Variants in SUMF1 observed in about 807,000 individuals in gnomAD.
SUMF1 encodes the protein formylglycine-generating enzyme.
Under a neutral mutation model 47.6 loss-of-function variants are expected in SUMF1, and 48 were observed. That is an observed-to-expected ratio of 1.01 (90% CI 0.80 to 1.28). SUMF1 has a LOEUF of 1.28. SUMF1 is among the 50% of genes most tolerant of loss of function. The probability of loss-of-function intolerance (pLI) is 0.00; values close to 1 mark genes in which losing one functional copy is unlikely to be tolerated. For synonymous variants in SUMF1, 230 were observed against 192.1 expected (o/e 1.20, Z -1.63); for missense variants, 571 against 485.4 (o/e 1.18, Z -1.66).
intron 8 of SUMF1, among the ~76,000 whole-genome samples, chr3:4,120,332 A>G (rs986810093): frequency 2.6e-5 from 4 of 152,188 alleles, no homozygotes; most frequent in African/African-American, 7.2e-5. Context: ...AACACCTTTC[A>G]AAATCTGGTT....
chr3:4,392,340 T>A (rs1314792901), intron 7 of SUMF1, among the ~76,000 whole-genome samples: 1 of 152,112 alleles, frequency 6.6e-6, no homozygotes, highest in Non-Finnish European at 1.5e-5. Context: ...TATTCAAATA[T>A]ACTTTAGTTC....
At chr3:4,331,566 G>A (rs943599669) in intron 8 of SUMF1, among the ~76,000 whole-genome samples, 7 of 152,204 alleles carry the variant, frequency 4.6e-5, no homozygotes, top group Non-Finnish European at 8.8e-5. Flanking sequence ...AGTGGCTCAC[G>A]CCTGTAATCC....
At chr3:4,091,302 T>A (rs536742737) in intron 8 of SUMF1, among the ~76,000 whole-genome samples, 1 of 152,224 alleles carries the variant, frequency 6.6e-6, no homozygotes, top group East Asian at 1.9e-4. Context: ...GACAGCACAC[T>A]CCTTCACCTC....
chr3:4,313,663 G>T (rs141194209), intron 8 of SUMF1: 11 of 1,613,960 alleles, frequency 6.8e-6, no homozygotes, highest in Non-Finnish European at 9.3e-6. Flanking sequence ...GTACTGCCCC[G>T]TAGAAAAGTC....
chr3:4,434,031 G>C (rs1702318437), intron 3 of SUMF1, among the ~76,000 whole-genome samples: 1 of 152,252 alleles, frequency 6.6e-6, no homozygotes. Context: ...AGTGAAGTAA[G>C]TCAGGCACAA....
intron 8 of SUMF1, among the ~76,000 whole-genome samples, chr3:4,074,143 C>T (rs1692357308): frequency 6.6e-6 from 1 of 151,870 alleles, no homozygotes; most frequent in South Asian, 2.1e-4. Context: ...AACAGTCTCT[C>T]AGACCACAGT....
At chr3:4,162,317 G>C (rs540970707) in intron 8 of SUMF1, among the ~76,000 whole-genome samples, 36 of 152,256 alleles carry the variant, frequency 2.4e-4, no homozygotes, top group East Asian at 7.7e-4. Context: ...GCCCTGTCTG[G>C]TGTCTCACTA....
chr3:4,166,037 TC>T (rs1313736963), intron 8 of SUMF1, among the ~76,000 whole-genome samples: 1 of 152,032 alleles, frequency 6.6e-6, no homozygotes, highest in African/African-American at 2.4e-5. Flanking sequence ...ATGCTAGTTT[TC>T]CTCCTAGACC....
rs553485732 is a variant in SUMF1 at position 4,064,777 on chromosome 3, C to T, written c.1191+3792G>A. ...AACGCATGCTCTTAACCACTGTGCT[C>T]TAATCATTGTCTCTGCAGTCCTGAG... On this transcript the variant is annotated intron_variant and NMD_transcript_variant, in intron 9 of 12. Transcript: ENST00000448413. Among the ~76,000 whole-genome samples, 5 of 152,240 alleles carry T rather than the reference C, an allele frequency of 3.3e-5. No individual in the cohort carries two copies. In the South Asian group the frequency reaches 8.3e-4, roughly 25 times the overall value.
chr3:4,400,591 T>A (rs1409333968), intron 7 of SUMF1, among the ~76,000 whole-genome samples: 2 of 152,206 alleles, frequency 1.3e-5, no homozygotes, highest in Non-Finnish European at 2.9e-5. Context: ...AAGGGAGATG[T>A]TCCAACCAAG....
chr3:4,036,849 CAAAAAAAAA>C (rs3048145), intron 9 of SUMF1, among the ~76,000 whole-genome samples: 4 of 75,144 alleles, frequency 5.3e-5, no homozygotes, highest in African/African-American at 2.3e-4. Context: ...GTCAGTGAGG[CAAAAAAAAA>C]AAAAAAAAAA....
intron 8 of SUMF1, among the ~76,000 whole-genome samples, chr3:4,245,532 C>A (rs1009866364): frequency 1.3e-5 from 2 of 152,160 alleles, no homozygotes; most frequent in African/African-American, 2.4e-5. Flanking sequence ...TGGAGGTCCA[C>A]TCCCAATCCT....
At chr3:4,204,962 GT>G (rs1412864085) in intron 8 of SUMF1, among the ~76,000 whole-genome samples, 1 of 151,988 alleles carries the variant, frequency 6.6e-6, no homozygotes, top group East Asian at 1.9e-4. Flanking sequence ...ACATATCTCT[GT>G]CACATGAGGA....
chr3:4,306,747 C>CAT (rs1406508067), intron 8 of SUMF1, among the ~76,000 whole-genome samples: 1 of 152,236 alleles, frequency 6.6e-6, no homozygotes, highest in Non-Finnish European at 1.5e-5. Context: ...CCTTCACAGG[C>CAT]ATATGCACAC....
At chr3:4,074,241 T>C (rs960431063) in intron 8 of SUMF1, among the ~76,000 whole-genome samples, 1 of 152,214 alleles carries the variant, frequency 6.6e-6, no homozygotes, top group African/African-American at 2.4e-5. Flanking sequence ...CAATGACTAC[T>C]GGATAAATAA....
intron 8 of SUMF1, among the ~76,000 whole-genome samples, chr3:4,127,393 A>G (rs1693678971): frequency 6.6e-6 from 1 of 152,148 alleles, no homozygotes; most frequent in Non-Finnish European, 1.5e-5. Flanking sequence ...TTAACATTTG[A>G]GTCAGTGGGT....
At chr3:4,072,033 T>C (rs1289307505) in intron 8 of SUMF1, among the ~76,000 whole-genome samples, 1 of 152,220 alleles carries the variant, frequency 6.6e-6, no homozygotes, top group Middle Eastern at 3.4e-3. Context: ...AGACACCTCA[T>C]ACAAGAGAGC....
intron 8 of SUMF1, among the ~76,000 whole-genome samples, chr3:4,287,645 C>T (rs548566969): frequency 6.6e-6 from 1 of 152,304 alleles, no homozygotes; most frequent in Non-Finnish European, 1.5e-5. Context: ...CATGACCTAC[C>T]TAGAGCTAGT....
intron 8 of SUMF1, chr3:4,316,471 C>A (rs749486389): frequency 7.5e-6 from 12 of 1,604,450 alleles, no homozygotes; most frequent in East Asian, 4.5e-5. Context: ...GATCCCCTTA[C>A]AACTACACGA....
Sources: allele counts gnomAD v4.1 joint callset (sites outside exome capture counted in the v4.1 genomes callset), GRCh38; gene constraint gnomAD v4.1.1; transcripts MANE v1.5; gene names NCBI Gene and HGNC (gene_info 2026-07-23, HGNC 2026-07-21).